Variants in CSMD3 observed in about 807,000 individuals in gnomAD.
CSMD3 encodes the protein CUB and Sushi multiple domains 3.
CSMD3 carries 177 observed loss-of-function variants against 435.2 expected under a neutral mutation model. The ratio of observed to expected loss-of-function variants is 0.41; its 90% CI spans 0.36 to 0.46. CSMD3 has a LOEUF of 0.46. Among genes scored for constraint, CSMD3 ranks in the 20% least tolerant of loss-of-function variants. CSMD3 has a pLI of 0.34. For synonymous variants in CSMD3, 1,656 were observed against 1,520.5 expected, an observed-to-expected ratio of 1.09 and a Z score of -2.07; for missense variants, 4,265 against 4,504.6, an observed-to-expected ratio of 0.95 and a Z score of 1.52.
At chr8:113,223,993 A>G (rs1278601230) in intron 3 of CSMD3, among the ~76,000 whole-genome samples, 1 of 151,258 alleles carries the variant, frequency 6.6e-6, no homozygotes, top group African/African-American at 2.4e-5. Flanking sequence ...TTTTTCTAGC[A>G]TGTTCCTACA....
Position 113,259,725 on chromosome 8 carries a change from C to A in CSMD3, c.514+18867G>T, listed in dbSNP as rs1050174803. Among the ~76,000 whole-genome samples the A allele has an allele frequency of 5.9e-5, 9 of 151,846 alleles. No individual in the cohort carries two copies. In the South Asian group the frequency reaches 8.3e-4, roughly 14 times the overall value. On this transcript the variant is annotated intron_variant, in intron 3 of 70. Coordinates refer to ENST00000297405, the MANE Select transcript of CSMD3 (RefSeq NM_198123.2). ...CCTGGGAGGGAAAGCTATGAAAATG[C>A]TTTAAGGAGTGTTAAAAATGGAGAA... is the stretch of plus-strand genomic sequence containing the variant.
chr8:112,560,195 G>A (rs2131243733), intron 24 of CSMD3, among the ~76,000 whole-genome samples: 1 of 151,860 alleles, frequency 6.6e-6, no homozygotes, highest in East Asian at 1.9e-4. Flanking sequence ...TGTGAGTTGA[G>A]ATAAACATTA....
intron 44 of CSMD3, among the ~76,000 whole-genome samples, chr8:112,335,899 C>A (rs1369644394): frequency 6.6e-6 from 1 of 151,914 alleles, no homozygotes; most frequent in Non-Finnish European, 1.5e-5. Flanking sequence ...CAGATACTTT[C>A]TTTAATACAT....
At chr8:112,985,050 T>C (rs2130986361) in intron 6 of CSMD3, among the ~76,000 whole-genome samples, 1 of 146,754 alleles carries the variant, frequency 6.8e-6, no homozygotes, top group East Asian at 2.0e-4. Context: ...TCTTCACCCA[T>C]GTCTTTCAAG....
intron 5 of CSMD3, among the ~76,000 whole-genome samples, chr8:113,086,939 G>T (rs1028321692): frequency 1.1e-4 from 17 of 152,166 alleles, no homozygotes; most frequent in African/African-American, 4.1e-4. Context: ...ACAAGGCAAA[G>T]TGTAACCTAG....
intron 32 of CSMD3, among the ~76,000 whole-genome samples, chr8:112,442,879 C>A (rs1484794983): frequency 6.6e-6 from 1 of 152,192 alleles, no homozygotes; most frequent in Non-Finnish European, 1.5e-5. Flanking sequence ...GGCCAACAGC[C>A]TGGCCTAAGG....
intron 5 of CSMD3, among the ~76,000 whole-genome samples, chr8:113,060,483 A>T (rs992071627): frequency 6.6e-6 from 1 of 151,986 alleles, no homozygotes; most frequent in African/African-American, 2.4e-5. Context: ...GGAACTGAGG[A>T]GCTGTGGGTC....
intron 59 of CSMD3, among the ~76,000 whole-genome samples, chr8:112,273,511 G>T (rs1231972608): frequency 6.6e-6 from 1 of 151,902 alleles, no homozygotes; most frequent in East Asian, 1.9e-4. Flanking sequence ...GGATCACAAG[G>T]TCAGGAGATC....
At chr8:113,308,748 T>A (rs1200886007) in intron 2 of CSMD3, among the ~76,000 whole-genome samples, 1 of 152,212 alleles carries the variant, frequency 6.6e-6, no homozygotes, top group Non-Finnish European at 1.5e-5. Flanking sequence ...ATAGAAGTTA[T>A]AATTATTGTT....
intron 32 of CSMD3, among the ~76,000 whole-genome samples, chr8:112,429,959 GT>G (rs1428923657): frequency 3.9e-5 from 6 of 151,910 alleles, no homozygotes; most frequent in Non-Finnish European, 8.8e-5. Context: ...TGAGGTCAAA[GT>G]TTCTGTATTT....
chr8:112,256,608 A>T (rs1239319877), intron 61 of CSMD3, among the ~76,000 whole-genome samples: 1 of 152,202 alleles, frequency 6.6e-6, no homozygotes, highest in East Asian at 1.9e-4. Flanking sequence ...AATGATTTCA[A>T]ATATATCAGA....
At chr8:113,113,071 C>T (rs1398715981) in intron 4 of CSMD3, among the ~76,000 whole-genome samples, 2 of 152,186 alleles carry the variant, frequency 1.3e-5, no homozygotes, top group Non-Finnish European at 2.9e-5. Context: ...TTCTTGATAT[C>T]TCCTCCCAGG....
At chr8:113,386,415 A>G (rs892733855) in intron 1 of CSMD3, among the ~76,000 whole-genome samples, 2 of 151,934 alleles carry the variant, frequency 1.3e-5, no homozygotes, top group African/African-American at 4.8e-5. Flanking sequence ...TTTGAATATG[A>G]ATTAGTTGAT....
At chr8:112,300,747 A>G (rs998801199) in intron 53 of CSMD3, among the ~76,000 whole-genome samples, 3 of 152,200 alleles carry the variant, frequency 2.0e-5, no homozygotes, top group African/African-American at 4.8e-5. Context: ...AAGCATAACT[A>G]TTAACAAATG....
chr8:113,016,812 G>T (rs920335213), intron 6 of CSMD3, among the ~76,000 whole-genome samples: 1 of 151,748 alleles, frequency 6.6e-6, no homozygotes, highest in Non-Finnish European at 1.5e-5. Flanking sequence ...CATGTATTTT[G>T]GCATGACAGA....
chr8:112,246,387 A>AT (rs562519164), intron 64 of CSMD3, among the ~76,000 whole-genome samples: 6 of 152,140 alleles, frequency 3.9e-5, no homozygotes, highest in African/African-American at 1.4e-4. Context: ...AAGGGAAGAG[A>AT]TTTTTTTAAA....
chr8:112,526,973 TC>T, intron 27 of CSMD3, among the ~76,000 whole-genome samples: 1 of 152,010 alleles, frequency 6.6e-6, no homozygotes, highest in South Asian at 2.1e-4. Flanking sequence ...GCAAATGCTT[TC>T]TTTCCTCCCA....
chr8:112,341,750 C>A (rs2130994893), intron 41 of CSMD3, 64 bp from the exon 42 acceptor site: 1 of 944,086 alleles, frequency 1.1e-6, no homozygotes, highest in Non-Finnish European at 1.7e-6. Flanking sequence ...TAAATATACA[C>A]ACACACAATC....
intron 1 of CSMD3, among the ~76,000 whole-genome samples, chr8:113,404,811 A>G (rs1189815708): frequency 6.6e-6 from 1 of 151,496 alleles, no homozygotes; most frequent in Non-Finnish European, 1.5e-5. Context: ...ACTGATAGCC[A>G]GAGTATAATT....
Sources: allele counts gnomAD v4.1 joint callset (sites outside exome capture counted in the v4.1 genomes callset), GRCh38; gene constraint gnomAD v4.1.1; transcripts MANE v1.5; gene names NCBI Gene and HGNC (gene_info 2026-07-23, HGNC 2026-07-21).